Variants in SLC15A4 observed in about 807,000 individuals in gnomAD.
SLC15A4 encodes the protein solute carrier family 15 member 4.
SLC15A4 carries 26 observed loss-of-function variants against 46.1 expected under a neutral mutation model. That is an observed-to-expected ratio of 0.56 (90% CI 0.41 to 0.78). The LOEUF is 0.78. Ranked by LOEUF, SLC15A4 falls within the 30% of genes least tolerant of loss-of-function variation. The probability of loss-of-function intolerance (pLI) is 0.00; values close to 1 mark genes in which losing one functional copy is unlikely to be tolerated. For synonymous variants in SLC15A4, 370 were observed against 333.4 expected, an observed-to-expected ratio of 1.11 and a Z score of -1.20; for missense variants, 751 against 755.7, an observed-to-expected ratio of 0.99 and a Z score of 0.07.
chr12:128,803,246 A>G (rs1016568578), intron 5 of SLC15A4, among the ~76,000 whole-genome samples: 3 of 152,242 alleles, frequency 2.0e-5, no homozygotes, highest in Non-Finnish European at 4.4e-5. Flanking sequence ...GATTGTAAAT[A>G]AAGGAGAGGA....
intron 4 of SLC15A4, 122 bp from the exon 5 acceptor site, chr12:128,809,078 C>T (rs757052057): frequency 1.1e-6 from 1 of 887,406 alleles, no homozygotes; most frequent in African/African-American, 1.7e-5. Flanking sequence ...CAAGGTACAA[C>T]CTCTTCAGTT....
At chr12:128,813,420 T>G (rs760747862) in intron 2 of SLC15A4, 4 of 152,216 alleles carry the variant, frequency 2.6e-5, no homozygotes, top group Non-Finnish European at 4.4e-5. Context: ...ATAGGTCATG[T>G]AGACTGGTGA....
At chr12:128,810,251 C>T in intron 2 of SLC15A4, 140 bp from the exon 3 acceptor site, 2 of 692,322 alleles carry the variant, frequency 2.9e-6, no homozygotes, top group Non-Finnish European at 2.4e-6. Flanking sequence ...ACTAATTGTA[C>T]ACACCCAACA....
chr12:128,793,388 G>C lies in SLC15A4; in HGVS notation c.*808C>G, dbSNP rs1171488942. On this transcript the variant is annotated 3_prime_UTR_variant, in exon 8 of 8. Coordinates refer to ENST00000266771, the MANE Select transcript of SLC15A4 (RefSeq NM_145648.4). ...TTAATTACACTATTTCTGTTCAAAA[G>C]AATGTTTTCCTTACATACAACCATG... 2 of 152,162 alleles carry C rather than the reference G, an allele frequency of 1.3e-5. No homozygotes were observed. The highest frequency in any genetic ancestry group is 1.5e-5 in the Non-Finnish European group (1 of 68,036). 9.4% of individuals were successfully genotyped at this position (152,162 alleles called of 1,614,324 possible).
chr12:128,804,685 A>G (rs1166011625), intron 5 of SLC15A4, among the ~76,000 whole-genome samples: 1 of 152,198 alleles, frequency 6.6e-6, no homozygotes, highest in Non-Finnish European at 1.5e-5. Context: ...AGCTGAGATC[A>G]CGCCACTGCA....
At chr12:128,800,089 C>T (rs1403713725) in intron 6 of SLC15A4, among the ~76,000 whole-genome samples, 1 of 152,106 alleles carries the variant, frequency 6.6e-6, no homozygotes, top group African/African-American at 2.4e-5. Context: ...GTGATCCACC[C>T]GCCTCGGATT....
Position 128,794,249 on chromosome 12 carries a change from G to T in SLC15A4, c.1681C>A (p.Arg561=). Residue 561 remains arginine, a synonymous_variant, in exon 8 of 8, where the codon CGA becomes AGA. Coordinates refer to ENST00000266771, the MANE Select transcript of SLC15A4 (RefSeq NM_145648.4). ...LIISVKYDHH[R]DHQRSRANGV... is the part of the protein sequence containing the mutation. ...TTGGCTCTTGATCGCTGATGGTCTC[G>T]ATGATGGTCATATTTCACAGAAATA... 1 of 1,614,026 alleles carries T rather than the reference G, an allele frequency of 6.2e-7. No homozygotes were observed. Among genetic ancestry groups the T allele is most frequent in the Non-Finnish European group, 8.5e-7 (1 of 1,179,930 alleles).
chr12:128,808,722 A>G (rs7311875), intron 5 of SLC15A4, 66 bp downstream of exon 5: 422,017 of 1,541,104 alleles, frequency 0.27, 60,320 homozygotes, highest in South Asian at 0.38. Flanking sequence ...GCGTGTGAGC[A>G]CTATATTCTG....
At chr12:128,817,092 A>C (rs2135721722) in intron 1 of SLC15A4, among the ~76,000 whole-genome samples, 1 of 152,368 alleles carries the variant, frequency 6.6e-6, no homozygotes, top group East Asian at 1.9e-4. Flanking sequence ...CACCACTTCA[A>C]ACGAAAAATC....
At chr12:128,801,179 C>G in intron 5 of SLC15A4, 170 bp from the exon 6 acceptor site, 1 of 596,452 alleles carries the variant, frequency 1.7e-6, no homozygotes, top group Non-Finnish European at 2.8e-6. Context: ...CCTTCAGCCT[C>G]CTAAGCAGGC....
At chr12:128,801,239 G>A in intron 5 of SLC15A4, 1 of 406,434 alleles carries the variant, frequency 2.5e-6, no homozygotes. Flanking sequence ...GCTTTTTACA[G>A]CATCTTATAT....
chr12:128,816,823 T>A (rs1272920774), intron 1 of SLC15A4, among the ~76,000 whole-genome samples: 5 of 151,726 alleles, frequency 3.3e-5, no homozygotes, highest in African/African-American at 7.3e-5. Flanking sequence ...AGGCCCTGTC[T>A]CAAAAGAAAA....
intron 5 of SLC15A4, among the ~76,000 whole-genome samples, chr12:128,803,707 GA>G (rs796734954): frequency 1.0e-3 from 151 of 148,458 alleles, no homozygotes; most frequent in African/African-American, 2.8e-3. Flanking sequence ...ACAGGTAGAC[GA>G]AAAAAAAAAT....
chr12:128,800,839 A>G lies in SLC15A4; in HGVS notation c.1414+15T>C, dbSNP rs1286622361. 2 of 1,602,742 alleles carry G rather than the reference A, an allele frequency of 1.2e-6. No individual in the cohort carries two copies. The highest frequency in any genetic ancestry group is 3.5e-5 in the Admixed American group (2 of 57,912). On this transcript the variant is annotated intron_variant, in intron 6 of 7. Transcript: ENST00000266771. ...GTGCCTGGACTCAGACACCTCCGGCACTAAAGGTCCTCACCTGCGATACTT... is the reference window on the plus strand; with the variant it reads ...GTGCCTGGACTCAGACACCTCCGGCGCTAAAGGTCCTCACCTGCGATACTT...
intron 3 of SLC15A4, chr12:128,809,710 G>C: frequency 1.9e-6 from 1 of 539,018 alleles, no homozygotes; most frequent in Non-Finnish European, 3.2e-6. Context: ...TTAACAAGAG[G>C]GGCCTGAAAA....
At chr12:128,799,142 G>A in intron 7 of SLC15A4, 117 bp downstream of exon 7, 1 of 1,090,478 alleles carries the variant, frequency 9.2e-7, no homozygotes, top group Non-Finnish European at 1.3e-6. Context: ...GCGGTGGACA[G>A]GCAGCTCGGG....
intron 1 of SLC15A4, among the ~76,000 whole-genome samples, chr12:128,817,788 A>G (rs1171982589): frequency 1.3e-5 from 2 of 152,230 alleles, no homozygotes; most frequent in East Asian, 3.8e-4. Context: ...ATAACCACAC[A>G]GCAGGCATTT....
intron 7 of SLC15A4, among the ~76,000 whole-genome samples, chr12:128,798,391 T>C (rs1254129405): frequency 2.0e-5 from 3 of 152,312 alleles, no homozygotes; most frequent in South Asian, 4.1e-4. Flanking sequence ...CAAGTGTCCA[T>C]GGGACATTGG....
chr12:128,810,810 G>T (rs540009082), intron 2 of SLC15A4, among the ~76,000 whole-genome samples: 2 of 152,286 alleles, frequency 1.3e-5, no homozygotes, highest in East Asian at 3.9e-4. Context: ...ACCATGTGGT[G>T]TTAAAACTCT....
Sources: allele counts gnomAD v4.1 joint callset (sites outside exome capture counted in the v4.1 genomes callset), GRCh38; gene constraint gnomAD v4.1.1; transcripts MANE v1.5; gene names NCBI Gene and HGNC (gene_info 2026-07-23, HGNC 2026-07-21).